Variants in ZNF639 observed in about 807,000 individuals in gnomAD.
The protein encoded by ZNF639 is zinc finger protein 639, also known as zinc finger amplified in esophageal squamous cell carcinomas 1.
Under a neutral mutation model 39.8 loss-of-function variants are expected in ZNF639, and 20 were observed. The observed-to-expected ratio is 0.50, with a 90% CI of 0.35 to 0.73. The LOEUF (loss-of-function observed/expected upper bound fraction) is 0.73, where lower values mean the gene tolerates loss of function less well. ZNF639 is among the 30% of genes least tolerant of loss of function. The probability of loss-of-function intolerance (pLI) is 0.00; values close to 1 mark genes in which losing one functional copy is unlikely to be tolerated. For synonymous variants in ZNF639, 176 were observed against 189.8 expected, an observed-to-expected ratio of 0.93 and a Z score of 0.60; for missense variants, 477 against 566.2, an observed-to-expected ratio of 0.84 and a Z score of 1.60.
At chr3:179,328,165 A>G (rs1727701852) in intron 2 of ZNF639, 118 bp from the exon 3 acceptor site, 1 of 572,670 alleles carries the variant, frequency 1.7e-6, no homozygotes, top group African/African-American at 1.9e-5. Flanking sequence ...CTTATACCAT[A>G]GATTTTCAGG....
intron 4 of ZNF639, among the ~76,000 whole-genome samples, chr3:179,331,056 G>C (rs1727876972): frequency 6.6e-6 from 1 of 152,162 alleles, no homozygotes; most frequent in African/African-American, 2.4e-5. Flanking sequence ...CTGATTCTAG[G>C]TCTGGGGCAG....
intron 1 of ZNF639, chr3:179,325,025 C>T (rs1315847432): frequency 1.3e-5 from 2 of 151,858 alleles, no homozygotes; most frequent in Non-Finnish European, 2.9e-5. Flanking sequence ...TTTTTTCTTT[C>T]TTTCTTTCTT....
chr3:179,327,208 A>T (rs1470215904), intron 1 of ZNF639, among the ~76,000 whole-genome samples: 4 of 152,068 alleles, frequency 2.6e-5, no homozygotes, highest in Non-Finnish European at 2.9e-5. Context: ...AAAAGTTTAT[A>T]ATTTGGTTTG....
intron 4 of ZNF639, among the ~76,000 whole-genome samples, chr3:179,331,704 G>A (rs1441678999): frequency 2.0e-5 from 3 of 151,244 alleles, no homozygotes; most frequent in African/African-American, 7.3e-5. Flanking sequence ...GAACCTGGGA[G>A]GCGGAGGTTG....
intron 3 of ZNF639, among the ~76,000 whole-genome samples, chr3:179,329,378 A>G (rs1351812384): frequency 6.6e-6 from 1 of 152,176 alleles, no homozygotes; most frequent in Non-Finnish European, 1.5e-5. Context: ...TATAAAACAA[A>G]TGTATCCTTG....
At chr3:179,323,014 C>T (rs909869770), upstream of ZNF639, 5 of 985,256 alleles carry the variant, frequency 5.1e-6, no homozygotes, top group Non-Finnish European at 6.0e-6. Flanking sequence ...ACCTCCCCGC[C>T]CTCTCGGCGG....
rs1711541644 is a variant in ZNF639 at position 179,336,776 on chromosome 3, C to T, written c.*2354C>T. 6.6e-6 allele frequency: 1 copy of T among 152,192 alleles called. No individual in the cohort carries two copies. The highest frequency in any genetic ancestry group is 1.5e-5 in the Non-Finnish European group (1 of 68,042). 9.4% of individuals were successfully genotyped at this position (152,192 alleles called of 1,614,324 possible). ...CATGTTACATAAACCTAACCTTTCT[C>T]CCTGGGATGTTTTTTGTGACTACTT... On this transcript the variant is annotated 3_prime_UTR_variant, in exon 6 of 6. Coordinates refer to ENST00000496856, the MANE Select transcript of ZNF639 (RefSeq NM_001303426.2).
intron 1 of ZNF639, among the ~76,000 whole-genome samples, chr3:179,325,804 C>T (rs1727556055): frequency 6.6e-6 from 1 of 151,860 alleles, no homozygotes; most frequent in Admixed American, 6.6e-5. Context: ...TGGCATGAAC[C>T]CGGGAGGCGG....
Position 179,333,575 on chromosome 3 carries a change from A to G in ZNF639, c.611A>G (p.Tyr204Cys), listed in dbSNP as rs1473228420. Residue 204 changes from tyrosine to cysteine, a missense_variant, in exon 6 of 6, where the codon TAT becomes TGT. Transcript: ENST00000496856. ...PLLRANSSGL[Y>C]KCELCEFNSK... Reference sequence around the variant, plus strand: ...CTGAGAGCTAATAGCAGTGGCCTCTATAAATGTGAACTTTGTGAGTTTAAC... The same window carrying G: ...CTGAGAGCTAATAGCAGTGGCCTCTGTAAATGTGAACTTTGTGAGTTTAAC... The G allele has an allele frequency of 6.2e-7, 1 of 1,614,176 alleles. No homozygotes were observed.
Position 179,338,411 on chromosome 3 carries a change from C to CTT in ZNF639, c.*3990_*3991dup, listed in dbSNP as rs1490203884. The CTT allele has an allele frequency of 6.6e-6, 1 of 152,124 alleles. No homozygotes were observed. The highest frequency in any genetic ancestry group is 2.4e-5 in the African/African-American group (1 of 41,432). 9.4% of individuals were successfully genotyped at this position (152,124 alleles called of 1,614,324 possible). A position where few individuals can be genotyped will look rare whatever the true frequency, so the allele number is the denominator to read the frequency against. Reference sequence around the variant, plus strand: ...CACTAAAAAGCCTCTTCTTTTCCTGCTTATAAATTTGCCAATTTTGCCATT... The same window carrying CTT: ...CACTAAAAAGCCTCTTCTTTTCCTGCTTTTATAAATTTGCCAATTTTGCCATT... On this transcript the variant is annotated 3_prime_UTR_variant, in exon 6 of 6. Transcript: ENST00000496856.
At chr3:179,326,944 C>A (rs1433469349) in intron 1 of ZNF639, among the ~76,000 whole-genome samples, 1 of 151,936 alleles carries the variant, frequency 6.6e-6, no homozygotes, top group Non-Finnish European at 1.5e-5. Context: ...AATCCCAGCA[C>A]TTTGGGAGGC....
intron 3 of ZNF639, 45 bp from the exon 4 acceptor site, chr3:179,329,573 T>C: frequency 2.8e-6 from 3 of 1,084,610 alleles, no homozygotes; most frequent in Non-Finnish European, 4.2e-6. Flanking sequence ...TCTCATTAAA[T>C]ATGTATGTTT....
chr3:179,332,474 C>T (rs541374854), intron 4 of ZNF639, among the ~76,000 whole-genome samples: 22 of 152,180 alleles, frequency 1.4e-4, no homozygotes, highest in Admixed American at 2.0e-4. Context: ...AAGAATTACC[C>T]GGGCTTGGTG....
Position 179,328,301 on chromosome 3 carries a change from A to C in ZNF639, c.8A>C (p.Glu3Ala), listed in dbSNP as rs1022419033. The C allele has an allele frequency of 3.8e-6, 6 of 1,574,278 alleles. No individual in the cohort carries two copies. The highest frequency in any genetic ancestry group is 1.2e-5 in the South Asian group (1 of 86,752). Residue 3 changes from glutamate (E) to alanine (A), a missense_variant, in exon 3 of 6, where the codon GAG becomes GCG. Physicochemically the swap from Glu to Ala is moderately radical, Grantham distance 107. Coordinates refer to ENST00000496856, the MANE Select transcript of ZNF639 (RefSeq NM_001303426.2). MN[E>A]YPKKRKRKTL... ...TTTTTAGATTGAAAAGATATGAATG[A>C]GTATCCTAAAAAAAGAAAAAGGAAG... is the stretch of plus-strand genomic sequence containing the variant.
At chr3:179,327,016 C>A (rs572300515) in intron 1 of ZNF639, among the ~76,000 whole-genome samples, 1 of 151,650 alleles carries the variant, frequency 6.6e-6, no homozygotes, top group Admixed American at 6.6e-5. Context: ...ATGGTGAAAC[C>A]CCGTCTCTGC....
chr3:179,331,448 A>G (rs1318622446), intron 4 of ZNF639, among the ~76,000 whole-genome samples: 3 of 152,196 alleles, frequency 2.0e-5, no homozygotes, highest in African/African-American at 7.2e-5. Context: ...GTCTGCACAT[A>G]GTGACTTCTT....
chr3:179,332,460 A>G (rs1727971343), intron 4 of ZNF639, among the ~76,000 whole-genome samples: 1 of 152,144 alleles, frequency 6.6e-6, no homozygotes, highest in Non-Finnish European at 1.5e-5. Flanking sequence ...CCATCTCAAA[A>G]AACAAGAATT....
chr3:179,331,404 G>C (rs960894199), intron 4 of ZNF639, among the ~76,000 whole-genome samples: 1 of 152,194 alleles, frequency 6.6e-6, no homozygotes, highest in African/African-American at 2.4e-5. Context: ...CTCCCTCTAG[G>C]AGGTGGAATA....
chr3:179,336,275 A>G lies in ZNF639; in HGVS notation c.*1853A>G, dbSNP rs1711522232. The stretch of plus-strand genomic sequence containing the variant: ...GAGTAGCAGAGTCTGAAACAGCACT[A>G]TAAAGAAGATAGAATTATATGTATC... On this transcript the variant is annotated 3_prime_UTR_variant, in exon 6 of 6. Coordinates refer to ENST00000496856, the MANE Select transcript of ZNF639 (RefSeq NM_001303426.2). The G allele has an allele frequency of 6.6e-6, 1 of 152,238 alleles. No homozygotes were observed. Among genetic ancestry groups the G allele is most frequent in the African/African-American group, 2.4e-5 (1 of 41,466 alleles). 9.4% of individuals were successfully genotyped at this position (152,238 alleles called of 1,614,324 possible). A position where few individuals can be genotyped will look rare whatever the true frequency, so the allele number is the denominator to read the frequency against.
Sources: allele counts gnomAD v4.1 joint callset (sites outside exome capture counted in the v4.1 genomes callset), GRCh38; gene constraint gnomAD v4.1.1; transcripts MANE v1.5; gene names NCBI Gene and HGNC (gene_info 2026-07-23, HGNC 2026-07-21).